THAP12: variants seen among roughly 807,000 people sequenced by gnomAD.
THAP12 encodes the protein 52 kDa repressor of the inhibitor of the protein kinase.
In THAP12, 20 loss-of-function variants were observed where a neutral mutation model predicts 63.0. The observed-to-expected ratio is 0.32, with a 90% CI of 0.22 to 0.46. The LOEUF (loss-of-function observed/expected upper bound fraction) is 0.46. Among genes scored for constraint, THAP12 ranks in the 20% least tolerant of loss-of-function variants. The probability of loss-of-function intolerance (pLI) is 1.00; values close to 1 mark genes in which losing one functional copy is unlikely to be tolerated. For synonymous variants in THAP12, 264 were observed against 328.4 expected (o/e 0.80, Z 2.12); for missense variants, 568 against 908.2 (o/e 0.63, Z 4.81).
At position 76,367,861 on chromosome 11, in the gene THAP12, A is replaced by G. The variant is rs936502341; in HGVS notation, c.90-1889T>C. On this transcript the variant is annotated intron_variant, in intron 1 of 4. Coordinates refer to ENST00000260045, the MANE Select transcript of THAP12 (RefSeq NM_004705.4). ...TGTCAAATCAAGGTAAAATGCTATGATTTTTAAAAAACTACACCTAAATTG... is the reference window on the plus strand; with the variant it reads ...TGTCAAATCAAGGTAAAATGCTATGGTTTTTAAAAAACTACACCTAAATTG... Among the ~76,000 whole-genome samples, 5 of 152,196 alleles carry G rather than the reference A, an allele frequency of 3.3e-5. No homozygotes were observed. In the East Asian group the frequency reaches 9.6e-4, roughly 29 times the overall value.
intron 1 of THAP12, among the ~76,000 whole-genome samples, chr11:76,370,801 A>G (rs1360708810): frequency 6.7e-6 from 1 of 148,394 alleles, no homozygotes; most frequent in Non-Finnish European, 1.5e-5. Flanking sequence ...CAGCCTGGCA[A>G]GAGAGCGAGA....
At position 76,351,360 on chromosome 11, in the gene THAP12, T is replaced by G; in HGVS notation, c.1790A>C (p.Gln597Pro). Reference protein sequence around the residue: ...IQELKDIFSEQHLKALKCLSL... With the variant: ...IQELKDIFSEPHLKALKCLSL... ...TAAGCATTTAAGAGCTTTGAGGTGC[T>G]GTTCTGAGAATATATCTTTAAGTTC... Residue 597 changes from glutamine to proline, a missense_variant, in exon 5 of 5, where the codon CAG becomes CCG. Gln to Pro is a moderately conservative substitution (Grantham distance 76, BLOSUM62 -1). Transcript: ENST00000260045. 1 of 1,598,516 alleles carries G rather than the reference T, an allele frequency of 6.3e-7. No homozygotes were observed. Among genetic ancestry groups the G allele is most frequent in the Non-Finnish European group, 8.6e-7 (1 of 1,168,888 alleles).
At chr11:76,352,998 A>G (rs780469839) in intron 4 of THAP12, among the ~76,000 whole-genome samples, 1 of 152,208 alleles carries the variant, frequency 6.6e-6, no homozygotes, top group Non-Finnish European at 1.5e-5. Context: ...CAAACAGTGT[A>G]AAGAGATATA....
rs773154047 is a variant in THAP12 at position 76,352,606 on chromosome 11, G to A, written c.544C>T (p.Pro182Ser). 1.2e-6 allele frequency: 2 copies of A among 1,611,830 alleles called. No homozygotes were observed. The highest frequency in any genetic ancestry group is 1.7e-6 in the Non-Finnish European group (2 of 1,179,836). Residue 182 changes from proline (P) to serine (S), a missense_variant, in exon 5 of 5, where the codon CCT becomes TCT. Coordinates refer to ENST00000260045, the MANE Select transcript of THAP12 (RefSeq NM_004705.4). ...ILILMGKQNI[P>S]LDGHEADEIP... ...TCATCAGCCTCATGTCCATCCAGAG[G>A]TATGTTTTGCTTTCCCATCAGAATC...
chr11:76,365,185 GGAGA>G (rs1311157027), intron 2 of THAP12, among the ~76,000 whole-genome samples: 2 of 152,040 alleles, frequency 1.3e-5, no homozygotes, highest in East Asian at 1.9e-4. Flanking sequence ...GGGAGGCTGA[GGAGA>G]GAGAATCGCT....
Position 76,352,429 on chromosome 11 carries a change from T to C in THAP12, c.721A>G (p.Ile241Val). ...SKTQQRQMLE[I>V]CESCIREETL... ...TCTTCTCGAATACAGCTCTCACAGA[T>C]CTCTAGCATCTGCCTCTGCTGTGTT... The change falls in exon 5 of 5, where the codon ATC becomes GTC. Residue 241 changes from isoleucine (I) to valine (V), a missense_variant. Coordinates refer to ENST00000260045, the MANE Select transcript of THAP12 (RefSeq NM_004705.4). 1.9e-6 allele frequency: 3 copies of C among 1,611,900 alleles called. No homozygotes were observed. The highest frequency in any genetic ancestry group is 2.5e-6 in the Non-Finnish European group (3 of 1,179,792).
At chr11:76,359,990 A>T (rs979138368) in intron 3 of THAP12, among the ~76,000 whole-genome samples, 11 of 152,228 alleles carry the variant, frequency 7.2e-5, no homozygotes, top group African/African-American at 2.6e-4. Context: ...ATGGAACAGA[A>T]CTCCCCAAAA....
At chr11:76,374,255 C>T (rs1946693512) in intron 1 of THAP12, among the ~76,000 whole-genome samples, 1 of 152,030 alleles carries the variant, frequency 6.6e-6, no homozygotes, top group Admixed American at 6.6e-5. Context: ...TGCCCTAGTA[C>T]ATAAAAAATC....
chr11:76,375,464 A>G (rs936530676), intron 1 of THAP12, among the ~76,000 whole-genome samples: 1 of 151,966 alleles, frequency 6.6e-6, no homozygotes, highest in Admixed American at 6.6e-5. Flanking sequence ...TTTAAAAAAG[A>G]AGCATATTAA....
At chr11:76,373,801 C>CTA (rs1032260580) in intron 1 of THAP12, among the ~76,000 whole-genome samples, 1 of 151,970 alleles carries the variant, frequency 6.6e-6, no homozygotes, top group African/African-American at 2.4e-5. Flanking sequence ...TTCCTTTGCA[C>CTA]TATTACATTA....
intron 1 of THAP12, among the ~76,000 whole-genome samples, chr11:76,368,935 A>G (rs1283748778): frequency 6.6e-6 from 1 of 152,226 alleles, no homozygotes; most frequent in Non-Finnish European, 1.5e-5. Context: ...ACTTTTCTTC[A>G]TTAAAAGAAG....
At chr11:76,369,782 C>T (rs1444706666) in intron 1 of THAP12, among the ~76,000 whole-genome samples, 2 of 152,258 alleles carry the variant, frequency 1.3e-5, no homozygotes, top group East Asian at 3.8e-4. Flanking sequence ...CACGTGTTGC[C>T]ACATTTCCAC....
chr11:76,359,911 A>G (rs1029574989), intron 3 of THAP12, among the ~76,000 whole-genome samples: 1 of 152,222 alleles, frequency 6.6e-6, no homozygotes, highest in Non-Finnish European at 1.5e-5. Context: ...CTTATTTGAA[A>G]GTAAGATATA....
chr11:76,352,727 G>A lies in THAP12; in HGVS notation c.423C>T (p.Ser141=), dbSNP rs748260705. The A allele has an allele frequency of 6.8e-5, 109 of 1,603,688 alleles. 2 individuals are homozygous for A. In the East Asian group the frequency reaches 2.2e-3, roughly 33 times the overall value. The change falls in exon 5 of 5, where the codon AGC becomes AGT. Residue 141 remains serine (S), a synonymous_variant. Coordinates refer to ENST00000260045, the MANE Select transcript of THAP12 (RefSeq NM_004705.4). The part of the protein sequence containing the change: ...ETNNSNAQNP[S]EEEGEGQDED... The stretch of plus-strand genomic sequence containing the variant: ...CATCTTGCCCTTCACCCTCTTCTTC[G>A]CTGGGGTTCTGAGCATTGCTATTGT...
At chr11:76,378,322 CTGAG>C (rs1385970148) in intron 1 of THAP12, among the ~76,000 whole-genome samples, 1 of 152,124 alleles carries the variant, frequency 6.6e-6, no homozygotes. Flanking sequence ...ACCTGGGAGG[CTGAG>C]TGAGTAGAAT....
chr11:76,374,485 C>G (rs986195655), intron 1 of THAP12, among the ~76,000 whole-genome samples: 1 of 151,780 alleles, frequency 6.6e-6, no homozygotes, highest in African/African-American at 2.4e-5. Context: ...ATAAATTTTC[C>G]AAAATTCTAA....
intron 4 of THAP12, among the ~76,000 whole-genome samples, chr11:76,354,818 A>T (rs1040552759): frequency 6.6e-6 from 1 of 152,100 alleles, no homozygotes; most frequent in African/African-American, 2.4e-5. Flanking sequence ...GCTATTTTCT[A>T]ACCATAATGG....
rs556525972 is a variant in THAP12 at position 76,373,099 on chromosome 11, T to G, written c.90-7127A>C. Among the ~76,000 whole-genome samples the G allele has an allele frequency of 4.6e-5, 7 of 152,244 alleles. No individual in the cohort carries two copies. The East Asian group carries it at 9.6e-4, about 21-fold the overall frequency. The stretch of plus-strand genomic sequence containing the variant: ...ATAATGTATATATAACAGAGAAGTA[T>G]ATAACAGAGCAGTGCCTGTCACAAA... On this transcript the variant is annotated intron_variant, in intron 1 of 4. Coordinates refer to ENST00000260045, the MANE Select transcript of THAP12 (RefSeq NM_004705.4).
intron 1 of THAP12, among the ~76,000 whole-genome samples, chr11:76,374,691 G>A (rs1031972331): frequency 3.9e-5 from 6 of 152,202 alleles, no homozygotes; most frequent in African/African-American, 1.4e-4. Context: ...CCACTCCTGA[G>A]AGACCAAATA....
Sources: gnomAD v4.1 joint callset for allele counts (sites outside exome capture counted in the v4.1 genomes callset) on GRCh38, gnomAD v4.1.1 for gene constraint, MANE v1.5 for transcripts, NCBI Gene and HGNC (gene_info 2026-07-23, HGNC 2026-07-21) for gene names.